Variants in ANO10 observed in about 807,000 individuals in gnomAD.
The protein encoded by ANO10 is anoctamin-10.
A neutral mutation model predicts 74.7 loss-of-function variants in ANO10; 77 were observed. The ratio of observed to expected loss-of-function variants is 1.03; its 90% CI spans 0.86 to 1.25. The LOEUF (loss-of-function observed/expected upper bound fraction) is 1.25. Ranked by LOEUF, ANO10 falls within the 50% of genes most tolerant of loss-of-function variation. The pLI is 0.00. For synonymous variants in ANO10, 279 were observed against 284.9 expected, an observed-to-expected ratio of 0.98 and a Z score of 0.21; for missense variants, 721 against 778.1, an observed-to-expected ratio of 0.93 and a Z score of 0.87.
At chr3:43,592,247 T>C (rs1249147305) in intron 4 of ANO10, among the ~76,000 whole-genome samples, 14 of 151,702 alleles carry the variant, frequency 9.2e-5, no homozygotes, top group African/African-American at 1.5e-4. Context: ...TTGAAGAGAG[T>C]AGTGGTTCTC....
intron 11 of ANO10, among the ~76,000 whole-genome samples, chr3:43,448,417 A>G (rs930316628): frequency 1.3e-5 from 2 of 152,248 alleles, no homozygotes; most frequent in African/African-American, 2.4e-5. Context: ...TGTCTTTTCT[A>G]AAGTGTTATA....
At chr3:43,373,081 G>C (rs963255733) in intron 12 of ANO10, among the ~76,000 whole-genome samples, 3 of 152,142 alleles carry the variant, frequency 2.0e-5, no homozygotes, top group Non-Finnish European at 1.5e-5. Context: ...GAAGCACCGG[G>C]TTTCAGGGTT....
At chr3:43,658,218 AT>A (rs1188832565) in intron 1 of ANO10, among the ~76,000 whole-genome samples, 1 of 151,950 alleles carries the variant, frequency 6.6e-6, no homozygotes, top group East Asian at 1.9e-4. Context: ...TTAAAGAAGT[AT>A]TTTTAAGGGC....
intron 11 of ANO10, among the ~76,000 whole-genome samples, chr3:43,461,415 T>C (rs141599115): frequency 2.4e-4 from 36 of 152,312 alleles, no homozygotes; most frequent in Admixed American, 1.6e-3. Context: ...GGAAAGTATA[T>C]AAAACATTTA....
chr3:43,653,713 T>C (rs2083814230), intron 1 of ANO10, among the ~76,000 whole-genome samples: 1 of 152,124 alleles, frequency 6.6e-6, no homozygotes, highest in African/African-American at 2.4e-5. Flanking sequence ...TAGAATACCG[T>C]CTAGCTATTA....
chr3:43,372,733 A>G, intron 12 of ANO10: 1 of 915,408 alleles, frequency 1.1e-6, no homozygotes, highest in Non-Finnish European at 1.7e-6. Flanking sequence ...CCTACCTGGT[A>G]TGTGGTCTCC....
At chr3:43,376,905 G>A (rs1176996727) in intron 12 of ANO10, among the ~76,000 whole-genome samples, 3 of 152,080 alleles carry the variant, frequency 2.0e-5, no homozygotes, top group African/African-American at 7.2e-5. Context: ...AGATGCCAGC[G>A]AGGTCTACAA....
intron 12 of ANO10, among the ~76,000 whole-genome samples, chr3:43,397,588 C>T (rs537856758): frequency 1.3e-5 from 2 of 152,334 alleles, no homozygotes; most frequent in East Asian, 1.9e-4. Context: ...TTTTACTCAA[C>T]ACCTCGTGTA....
At chr3:43,676,603 G>A (rs986902354) in intron 1 of ANO10, among the ~76,000 whole-genome samples, 7 of 152,276 alleles carry the variant, frequency 4.6e-5, no homozygotes, top group African/African-American at 1.7e-4. Context: ...AGGGCAACAA[G>A]AGGGATCTTG....
At chr3:43,449,515 C>CTTATTTTT (rs2074752320) in intron 11 of ANO10, among the ~76,000 whole-genome samples, 1 of 107,124 alleles carries the variant, frequency 9.3e-6, no homozygotes, top group Non-Finnish European at 1.8e-5. Context: ...TATCTAGATT[C>CTTATTTTT]TTTTTTTTTT....
intron 12 of ANO10, among the ~76,000 whole-genome samples, chr3:43,418,747 CAG>C (rs1455471965): frequency 1.3e-5 from 2 of 152,202 alleles, no homozygotes; most frequent in African/African-American, 2.4e-5. Context: ...GGCTCTGGCT[CAG>C]AGTCTCTCAC....
rs1356192941 is a variant in ANO10, at chr3:43,690,921, C to A, written c.-12+596G>T. On this transcript the variant is annotated intron_variant, in intron 1 of 3. Transcript: ENST00000413397. ...GGCCTGCGCCGCCTTAAGTGCCGCG[C>A]CAGCCCGGGGCGGCCCAGTCGGCCT... 9.4e-6 allele frequency: 14 copies of A among 1,493,636 alleles called. No homozygotes were observed. The African/African-American group carries it at 1.9e-4, about 20-fold the overall frequency. 92.5% of individuals were successfully genotyped at this position (1,493,636 alleles called of 1,614,324 possible).
At chr3:43,438,906 A>G (rs1176398026) in intron 11 of ANO10, among the ~76,000 whole-genome samples, 1 of 152,180 alleles carries the variant, frequency 6.6e-6, no homozygotes, top group East Asian at 1.9e-4. Context: ...AAACAGCATC[A>G]ATTGGACCAA....
At chr3:43,680,689 C>T (rs1021768513) in intron 1 of ANO10, among the ~76,000 whole-genome samples, 5 of 152,268 alleles carry the variant, frequency 3.3e-5, no homozygotes, top group Admixed American at 1.3e-4. Flanking sequence ...AGAGAAAGGT[C>T]GGGTTACCCA....
chr3:43,548,080 T>C (rs2079281794), intron 11 of ANO10, among the ~76,000 whole-genome samples: 1 of 152,224 alleles, frequency 6.6e-6, no homozygotes, highest in Non-Finnish European at 1.5e-5. Flanking sequence ...CAATCCACCT[T>C]CACTTTAACA....
At chr3:43,591,266 C>T (rs970432688) in intron 4 of ANO10, among the ~76,000 whole-genome samples, 1 of 152,186 alleles carries the variant, frequency 6.6e-6, no homozygotes, top group African/African-American at 2.4e-5. Context: ...GTGTCCGCTG[C>T]GCTTCTGGTC....
chr3:43,583,894 T>G (rs1405237356), intron 4 of ANO10, among the ~76,000 whole-genome samples: 1 of 152,238 alleles, frequency 6.6e-6, no homozygotes, highest in Non-Finnish European at 1.5e-5. Flanking sequence ...ATAATATATG[T>G]GCCAGGTGGT....
intron 1 of ANO10, among the ~76,000 whole-genome samples, chr3:43,611,947 A>G (rs975518427): frequency 6.6e-6 from 1 of 151,678 alleles, no homozygotes; most frequent in Admixed American, 6.6e-5. Context: ...TAGATGCACA[A>G]AAAACAAAAC....
At chr3:43,429,081 T>G (rs1322553138) in intron 12 of ANO10, among the ~76,000 whole-genome samples, 2 of 152,134 alleles carry the variant, frequency 1.3e-5, no homozygotes, top group Non-Finnish European at 2.9e-5. Flanking sequence ...TATGGGAATC[T>G]AAGAGCTAAG....
Sources: allele counts gnomAD v4.1 joint callset (sites outside exome capture counted in the v4.1 genomes callset), GRCh38; gene constraint gnomAD v4.1.1; transcripts MANE v1.5; gene names NCBI Gene and HGNC (gene_info 2026-07-23, HGNC 2026-07-21).